The following AOPEP variants were observed in gnomAD, a reference collection of about 807,000 sequenced individuals.
The protein encoded by AOPEP is aminopeptidase O.
Under a neutral mutation model 98.1 loss-of-function variants are expected in AOPEP, and 77 were observed. That is an observed-to-expected ratio of 0.78 (90% CI 0.65 to 0.95). The LOEUF (loss-of-function observed/expected upper bound fraction) is 0.95. Ranked by LOEUF, AOPEP falls within the 40% of genes least tolerant of loss-of-function variation. The pLI, the probability that AOPEP is intolerant of heterozygous loss-of-function variation, is 0.00. For missense variants in AOPEP, 1,024 were observed against 1,024.7 expected, an observed-to-expected ratio of 1.00 and a Z score of 0.01; for synonymous variants, 346 against 365.3, an observed-to-expected ratio of 0.95 and a Z score of 0.60.
chr9:95,040,093 C>T lies in AOPEP; in HGVS notation c.2116-20601C>T, dbSNP rs1419808975. Among the ~76,000 whole-genome samples, 6 of 152,358 alleles carry T rather than the reference C, an allele frequency of 3.9e-5. No individual in the cohort carries two copies. The South Asian group carries it at 1.2e-3, about 32-fold the overall frequency. ...CAGCAAGAGGTTACAGGTGGCTTCT[C>T]CTCCCTCCCAGGGGACCTCAGTAGG... On this transcript the variant is annotated intron_variant, in intron 13 of 16. Coordinates refer to ENST00000375315, the MANE Select transcript of AOPEP (RefSeq NM_001193329.3).
At chr9:94,810,706 G>A (rs1221041813) in intron 5 of AOPEP, among the ~76,000 whole-genome samples, 1 of 152,184 alleles carries the variant, frequency 6.6e-6, no homozygotes, top group Non-Finnish European at 1.5e-5. Flanking sequence ...TTTGATGTAA[G>A]AGCTAGTTAG....
intron 1 of AOPEP, among the ~76,000 whole-genome samples, chr9:94,741,955 C>T (rs1833236695): frequency 6.6e-6 from 1 of 152,198 alleles, no homozygotes. Flanking sequence ...ATTTACAACT[C>T]AGCACTAGAG....
At chr9:94,743,827 A>G (rs1431613357) in intron 1 of AOPEP, among the ~76,000 whole-genome samples, 4 of 152,200 alleles carry the variant, frequency 2.6e-5, no homozygotes, top group Non-Finnish European at 4.4e-5. Context: ...TGCAAATCTC[A>G]GTTGACTCAA....
In AOPEP at chr9:94,952,812, G is replaced by A. The variant is rs990472641; in HGVS notation, c.1662-2365G>A. On this transcript the variant is annotated intron_variant, in intron 7 of 16. Transcript: ENST00000375315. ...TATCAAAGGAATCTCTTGGGGACTT[G>A]TATATTGGCTTTGAATGCTGTCAGC... 5.9e-5 allele frequency among the ~76,000 whole-genome samples: 9 copies of A among 152,342 alleles called. No homozygotes were observed. The South Asian group carries it at 1.5e-3, about 25-fold the overall frequency.
At chr9:94,971,650 C>T (rs947665214) in intron 10 of AOPEP, among the ~76,000 whole-genome samples, 3 of 152,166 alleles carry the variant, frequency 2.0e-5, no homozygotes, top group African/African-American at 7.2e-5. Context: ...TGTTCAGGGG[C>T]CGGCACTCTC....
In AOPEP at chr9:94,788,153, C is replaced by G. The variant is rs1326297481; in HGVS notation, c.965-4612C>G. 5.9e-5 allele frequency among the ~76,000 whole-genome samples: 9 copies of G among 152,232 alleles called. No individual in the cohort carries two copies. In the East Asian group the frequency reaches 1.7e-3, roughly 29 times the overall value. On this transcript the variant is annotated intron_variant, in intron 3 of 16. Coordinates refer to ENST00000375315, the MANE Select transcript of AOPEP (RefSeq NM_001193329.3). Reference sequence around the variant, plus strand: ...TGGTGTGATCACAGCTCTACTGCAGCCTGACCTCCTGGGCCCAAGTGATCC... The same window carrying G: ...TGGTGTGATCACAGCTCTACTGCAGGCTGACCTCCTGGGCCCAAGTGATCC...
chr9:94,839,954 AT>A (rs927844990), intron 5 of AOPEP, among the ~76,000 whole-genome samples: 1 of 152,088 alleles, frequency 6.6e-6, no homozygotes, highest in African/African-American at 2.4e-5. Context: ...TTTTTGTAGA[AT>A]TGGTGCCTTG....
At chr9:94,949,364 A>G (rs1054678103) in intron 7 of AOPEP, among the ~76,000 whole-genome samples, 2 of 151,928 alleles carry the variant, frequency 1.3e-5, no homozygotes, top group Non-Finnish European at 2.9e-5. Flanking sequence ...TCTCCTTATC[A>G]CCTTCTTTAG....
Position 94,759,844 on chromosome 9 carries a change from A to G in AOPEP, c.61A>G (p.Ile21Val), listed in dbSNP as rs1321432921. Residue 21 changes from isoleucine (I) to valine (V), a missense_variant, in exon 2 of 17, where the codon ATA becomes GTA. By Grantham distance (29) the Ile-to-Val change is conservative. Coordinates refer to ENST00000375315, the MANE Select transcript of AOPEP (RefSeq NM_001193329.3). ...GCCTCTCATGGCCAACACCAGCCAC[A>G]TACTTGTGAAGCACTATGTACTGGA... ...DLPLMANTSH[I>V]LVKHYVLDLD... 6.2e-7 allele frequency: 1 copy of G among 1,614,062 alleles called. No homozygotes were observed.
chr9:94,750,583 C>CA lies in AOPEP; in HGVS notation c.-135-9059dup, dbSNP rs951256351. 2.0e-5 allele frequency among the ~76,000 whole-genome samples: 3 copies of CA among 151,274 alleles called. 1 individual carries two copies. The highest frequency in any genetic ancestry group is 3.9e-4 in the East Asian group (2 of 5,128). On this transcript the variant is annotated intron_variant, in intron 1 of 16. Transcript: ENST00000375315. ...CTGGCGACAGAGCGAGACTCCGTCTCAAAAAAACAAAACAAAACAAAACAA... is the reference window on the plus strand; with the variant it reads ...CTGGCGACAGAGCGAGACTCCGTCTCAAAAAAAACAAAACAAAACAAAACAA...
rs79239273 is a variant in AOPEP, at chr9:94,755,700, G to C, written c.-135-3949G>C. On this transcript the variant is annotated intron_variant, in intron 1 of 16. Transcript: ENST00000375315. ...GAGGTGACATTTGATTTATGACTTA[G>C]ACAATATGAAGGAGATGGCCATGAG... Among the ~76,000 whole-genome samples the C allele has an allele frequency of 1.2e-4, 18 of 152,294 alleles. No homozygotes were observed. In the East Asian group the frequency reaches 2.1e-3, roughly 18 times the overall value.
intron 7 of AOPEP, chr9:94,932,015 C>A: frequency 8.3e-7 from 1 of 1,209,388 alleles, no homozygotes; most frequent in Non-Finnish European, 1.0e-6. Flanking sequence ...AATAACGTGT[C>A]TAACCTCCTC....
intron 1 of AOPEP, among the ~76,000 whole-genome samples, chr9:94,748,795 C>T (rs1230543643): frequency 1.3e-5 from 2 of 152,084 alleles, no homozygotes; most frequent in African/African-American, 2.4e-5. Context: ...CTGATGTTTC[C>T]TCATGCTTAC....
At chr9:94,837,281 A>G (rs1423523233) in intron 5 of AOPEP, among the ~76,000 whole-genome samples, 1 of 152,224 alleles carries the variant, frequency 6.6e-6, no homozygotes, top group African/African-American at 2.4e-5. Flanking sequence ...TACCAACAAA[A>G]AAAGTCCAGG....
intron 5 of AOPEP, among the ~76,000 whole-genome samples, chr9:94,885,602 G>A (rs962016048): frequency 2.0e-5 from 3 of 151,904 alleles, no homozygotes; most frequent in Non-Finnish European, 2.9e-5. Flanking sequence ...GGGAAGCTGG[G>A]ACATGTAGCC....
intron 5 of AOPEP, among the ~76,000 whole-genome samples, chr9:94,853,008 T>C (rs2135226879): frequency 6.6e-6 from 1 of 152,280 alleles, no homozygotes; most frequent in African/African-American, 2.4e-5. Context: ...GAGTAAATAT[T>C]AGAATTCATA....
intron 7 of AOPEP, among the ~76,000 whole-genome samples, chr9:94,943,224 T>G (rs1247235381): frequency 6.6e-6 from 1 of 152,204 alleles, no homozygotes; most frequent in African/African-American, 2.4e-5. Flanking sequence ...ATCATATATC[T>G]GTTAAGGGAC....
intron 9 of AOPEP, among the ~76,000 whole-genome samples, chr9:94,967,071 G>A (rs1359033949): frequency 2.0e-5 from 3 of 152,132 alleles, no homozygotes; most frequent in Non-Finnish European, 2.9e-5. Flanking sequence ...ATGGGTATGT[G>A]AAAGTTTTGT....
chr9:94,963,807 A>G (rs2059010509), intron 9 of AOPEP, among the ~76,000 whole-genome samples: 1 of 152,248 alleles, frequency 6.6e-6, no homozygotes, highest in South Asian at 2.1e-4. Context: ...GAAAGAAGAC[A>G]GACGAAAGAA....
Sources: allele counts gnomAD v4.1 joint callset (sites outside exome capture counted in the v4.1 genomes callset), GRCh38; gene constraint gnomAD v4.1.1; transcripts MANE v1.5; gene names NCBI Gene and HGNC (gene_info 2026-07-23, HGNC 2026-07-21).